PAM: variants seen among roughly 807,000 people sequenced by gnomAD.
The protein encoded by PAM is peptidyl-glycine alpha-amidating monooxygenase.
A neutral mutation model predicts 122.1 loss-of-function variants in PAM; 72 were observed. The ratio of observed to expected loss-of-function variants is 0.59; its 90% confidence interval spans 0.49 to 0.72. The LOEUF (loss-of-function observed/expected upper bound fraction) is 0.72, where lower values mean the gene tolerates loss of function less well. PAM is among the 30% of genes least tolerant of loss of function. The pLI, the probability that PAM is intolerant of heterozygous loss-of-function variation, is 0.00. For missense variants in PAM, 1,106 were observed against 1,183.7 expected (o/e 0.93, Z 0.96); for synonymous variants, 389 against 404.4 (o/e 0.96, Z 0.46).
At chr5:102,901,285 G>A (rs1342714969) in intron 3 of PAM, 71 bp from the exon 4 acceptor site, 11 of 897,760 alleles carry the variant, frequency 1.2e-5, no homozygotes, top group Admixed American at 4.0e-5. Context: ...TAGAAGCCAC[G>A]TTTTAATAGT....
At position 102,803,193 on chromosome 5, in the gene PAM, GGAAGGAAGGAAGGAAA is replaced by G. The variant is rs1325403647; in HGVS notation, c.-374+47861_-374+47876del. Among the ~76,000 whole-genome samples the G allele has an allele frequency of 6.9e-3, 757 of 110,222 alleles. 21 individuals are homozygous for G. The highest frequency in any genetic ancestry group is 0.012 in the Non-Finnish European group (586 of 46,946). The allele number at this position is 110,222 out of a possible 152,430, so 72.3% of individuals were successfully genotyped here. A position where few individuals can be genotyped will look rare whatever the true frequency, so the allele number is the denominator to read the frequency against. ...AGGAAGGAAGGAAGGAAGGAAGGAA[GGAAGGAAGGAAGGAAA>G]GAAGGAAGGAAGGAAGGAAGGAAGG... is the stretch of plus-strand genomic sequence containing the variant. On this transcript the variant is annotated intron_variant, in intron 1 of 25. Transcript: ENST00000438793.
chr5:102,845,944 G>C (rs766606901), intron 1 of PAM, among the ~76,000 whole-genome samples: 3 of 152,146 alleles, frequency 2.0e-5, no homozygotes, highest in Non-Finnish European at 4.4e-5. Context: ...CACATTTGGT[G>C]GTGCATTTGC....
intron 25 of PAM, among the ~76,000 whole-genome samples, 165 bp from the exon 26 acceptor site, chr5:103,028,722 A>G (rs550994804): frequency 2.5e-4 from 38 of 152,302 alleles, no homozygotes; most frequent in African/African-American, 8.9e-4. Context: ...TAGCATCTAT[A>G]TGGCTCTGTA....
At chr5:102,783,360 A>G (rs1759576481) in intron 1 of PAM, among the ~76,000 whole-genome samples, 1 of 152,240 alleles carries the variant, frequency 6.6e-6, no homozygotes, top group South Asian at 2.1e-4. Flanking sequence ...ATTAGTTTAA[A>G]TGACCATTGC....
chr5:102,909,964 T>C (rs1800882835), intron 4 of PAM, among the ~76,000 whole-genome samples: 1 of 151,854 alleles, frequency 6.6e-6, no homozygotes, highest in Admixed American at 6.6e-5. Flanking sequence ...ATTTTTTGGC[T>C]AAAAATAATT....
In PAM at chr5:102,948,403, C is replaced by T. The variant is rs1057160846; in HGVS notation, c.601C>T (p.Leu201Phe). 6.3e-6 allele frequency: 10 copies of T among 1,592,796 alleles called. No homozygotes were observed. The highest frequency in any genetic ancestry group is 8.6e-6 in the Non-Finnish European group (10 of 1,163,112). Residue 201 changes from leucine (L) to phenylalanine (F), a missense_variant, in exon 9 of 26, where the codon CTT (leucine) becomes TTT (phenylalanine). Leu to Phe is a conservative substitution (Grantham distance 22, BLOSUM62 0). Coordinates refer to ENST00000438793, the MANE Select transcript of PAM (RefSeq NM_001177306.2). ...LPQPLIAGMY[L>F]MMSVDTVIPA... ...ACAGCCTTTAATTGCTGGCATGTAC[C>T]TTATGATGTCTGTTGACACTGTTAT...
intron 4 of PAM, among the ~76,000 whole-genome samples, chr5:102,902,049 C>T (rs1381601288): frequency 6.6e-6 from 1 of 151,612 alleles, no homozygotes; most frequent in Non-Finnish European, 1.5e-5. Context: ...ATTTAAACAT[C>T]CCTTATGACA....
intron 1 of PAM, among the ~76,000 whole-genome samples, chr5:102,845,109 C>A (rs1043144521): frequency 3.9e-5 from 6 of 152,178 alleles, no homozygotes; most frequent in Non-Finnish European, 8.8e-5. Context: ...AATAAGCTCC[C>A]AGGTAATACT....
At chr5:102,992,392 G>A (rs1430600507) in intron 16 of PAM, among the ~76,000 whole-genome samples, 1 of 151,346 alleles carries the variant, frequency 6.6e-6, no homozygotes, top group Non-Finnish European at 1.5e-5. Context: ...ATTGCCTGTT[G>A]CCCTTAGCAG....
At chr5:102,930,366 A>G (rs910199774) in intron 7 of PAM, among the ~76,000 whole-genome samples, 19 of 152,250 alleles carry the variant, frequency 1.2e-4, no homozygotes, top group Non-Finnish European at 8.8e-5. Context: ...AGAGGTATGA[A>G]GTCTGGGAAA....
rs1429360098 is a variant in PAM at position 102,979,900 on chromosome 5, T to C, written c.1483+5464T>C. Among the ~76,000 whole-genome samples the C allele has an allele frequency of 8.6e-5, 13 of 151,994 alleles. No homozygotes were observed. The East Asian group carries it at 2.5e-3, about 29-fold the overall frequency. On this transcript the variant is annotated intron_variant, in intron 15 of 25. Transcript: ENST00000438793. ...TAAATGTAAGGACGTAAGGATTCTT[T>C]ATAGAATAATATAATTTATTTATCA... is the stretch of plus-strand genomic sequence containing the variant.
chr5:102,821,597 T>C (rs1431330327), intron 1 of PAM, among the ~76,000 whole-genome samples: 1 of 152,238 alleles, frequency 6.6e-6, no homozygotes, highest in Non-Finnish European at 1.5e-5. Context: ...TAACCAACAT[T>C]TATTGAGTAC....
At chr5:102,895,361 A>G (rs1215684993) in intron 3 of PAM, among the ~76,000 whole-genome samples, 1 of 151,912 alleles carries the variant, frequency 6.6e-6, no homozygotes, top group South Asian at 2.1e-4. Flanking sequence ...ACTAAGTTTT[A>G]TGAGGGCAGA....
intron 1 of PAM, among the ~76,000 whole-genome samples, chr5:102,850,217 GA>G (rs1008660398): frequency 3.3e-5 from 5 of 151,746 alleles, no homozygotes; most frequent in Admixed American, 6.6e-5. Flanking sequence ...TTGCTGGGTT[GA>G]AAAAAAACAA....
At chr5:103,002,079 T>C (rs1014539563) in intron 16 of PAM, among the ~76,000 whole-genome samples, 7 of 151,880 alleles carry the variant, frequency 4.6e-5, no homozygotes, top group African/African-American at 1.7e-4. Context: ...CCAATCCTTT[T>C]TTGAGAAGAT....
chr5:102,850,686 A>C (rs1004241754), intron 1 of PAM, among the ~76,000 whole-genome samples: 1 of 152,186 alleles, frequency 6.6e-6, no homozygotes. Flanking sequence ...CACTTGGTGG[A>C]CAGTACTTGA....
intron 7 of PAM, among the ~76,000 whole-genome samples, chr5:102,927,200 C>T (rs1382645577): frequency 6.6e-6 from 1 of 152,128 alleles, no homozygotes; most frequent in Non-Finnish European, 1.5e-5. Context: ...CTGAACACTC[C>T]CCTAGACACC....
intron 5 of PAM, among the ~76,000 whole-genome samples, chr5:102,924,741 A>G (rs939876343): frequency 6.6e-6 from 1 of 151,602 alleles, no homozygotes; most frequent in African/African-American, 2.4e-5. Context: ...TATCAGGCAA[A>G]AAAAAAAAAA....
In PAM at chr5:102,854,657, TA is replaced by T. The variant is rs567410795; in HGVS notation, c.-373-11161del. 3.0e-3 allele frequency among the ~76,000 whole-genome samples: 453 copies of T among 152,130 alleles called. 5 individuals carry two copies. The highest frequency in any genetic ancestry group is 0.01 in the African/African-American group (429 of 41,490). On this transcript the variant is annotated intron_variant, in intron 1 of 25. Transcript: ENST00000438793. ...TTGCTAGTCACTGTGGGAAACCTTG[TA>T]AAAATTATTAAAAACTGGGAAAGAA... is the stretch of plus-strand genomic sequence containing the variant.
Sources: allele counts gnomAD v4.1 joint callset (sites outside exome capture counted in the v4.1 genomes callset), GRCh38; gene constraint gnomAD v4.1.1; transcripts MANE v1.5; gene names NCBI Gene and HGNC (gene_info 2026-07-23, HGNC 2026-07-21).